Variants in DIP2A observed in about 807,000 individuals in gnomAD.
The protein encoded by DIP2A is disco-interacting protein 2 homolog A.
In DIP2A, 85 loss-of-function variants were observed where a neutral mutation model predicts 177.4. That is an observed-to-expected ratio of 0.48 (90% CI 0.40 to 0.57). The LOEUF (loss-of-function observed/expected upper bound fraction) is 0.57, where lower values mean the gene tolerates loss of function less well. DIP2A is among the 20% of genes least tolerant of loss of function. The pLI is 0.00. For missense variants in DIP2A, 1,791 were observed against 2,100.2 expected (o/e 0.85, Z 2.88); for synonymous variants, 886 against 881.8 (o/e 1.00, Z -0.08).
intron 17 of DIP2A, among the ~76,000 whole-genome samples, chr21:46,541,272 G>A (rs141029357): frequency 3.9e-5 from 6 of 152,254 alleles, no homozygotes; most frequent in Admixed American, 3.3e-4. Flanking sequence ...GAAGGCCTCT[G>A]CCAGGTGGTT....
At chr21:46,549,638 A>G in intron 21 of DIP2A, 133 bp from the exon 22 acceptor site, 1 of 1,467,900 alleles carries the variant, frequency 6.8e-7, no homozygotes, top group Non-Finnish European at 9.1e-7. Context: ...TTGAATGTGC[A>G]GCAGGTAGCC....
intron 3 of DIP2A, among the ~76,000 whole-genome samples, chr21:46,491,213 T>C (rs2056993240): frequency 6.6e-6 from 1 of 152,198 alleles, no homozygotes. Flanking sequence ...ATCAATAGAA[T>C]GGCCATTGAA....
intron 8 of DIP2A, among the ~76,000 whole-genome samples, chr21:46,515,045 A>G (rs767014076): frequency 6.6e-6 from 1 of 152,234 alleles, no homozygotes; most frequent in Non-Finnish European, 1.5e-5. Flanking sequence ...TAATTTGCCA[A>G]TAAGTTGTTT....
rs570154320 is a variant in DIP2A, at chr21:46,569,515, T to A, written c.*1893T>A. The A allele has an allele frequency of 3.9e-5, 6 of 152,192 alleles. No homozygotes were observed. In the South Asian group the frequency reaches 1.2e-3, roughly 32 times the overall value. The allele number at this position is 152,192 out of a possible 1,614,324, so 9.4% of individuals were successfully genotyped here. A position where few individuals can be genotyped will look rare whatever the true frequency, so the allele number is the denominator to read the frequency against. On this transcript the variant is annotated 3_prime_UTR_variant, in exon 38 of 38. Transcript: ENST00000417564. Reference sequence around the variant, plus strand: ...AAAAAAAAACTACCTAACTCCAATCTTAATGTTGTAGTTTTATAGCAAACA... The same window carrying A: ...AAAAAAAAACTACCTAACTCCAATCATAATGTTGTAGTTTTATAGCAAACA...
chr21:46,557,162 A>G lies in DIP2A; in HGVS notation c.3629+93A>G. ...TCTAAGGCACCTTTTCTGGGTGCTC[A>G]GGAAGCCGATGAGATGTGTGTGAGT... On this transcript the variant is annotated intron_variant, in intron 30 of 37. Coordinates refer to ENST00000417564, the MANE Select transcript of DIP2A (RefSeq NM_015151.4). This position sits in a 1 kb window ranked among gnomAD's most constrained non-coding sequence, Gnocchi z 6.0. 7.1e-7 allele frequency: 1 copy of G among 1,412,932 alleles called. No individual in the cohort carries two copies. Among genetic ancestry groups the G allele is most frequent in the Non-Finnish European group, 9.5e-7 (1 of 1,057,408 alleles). 87.5% of individuals were successfully genotyped at this position (1,412,932 alleles called of 1,614,324 possible). A position where few individuals can be genotyped will look rare whatever the true frequency, so the allele number is the denominator to read the frequency against.
At chr21:46,560,260 A>G (rs2060619975) in intron 32 of DIP2A, among the ~76,000 whole-genome samples, 1 of 152,210 alleles carries the variant, frequency 6.6e-6, no homozygotes, top group South Asian at 2.1e-4. Context: ...TAAGATTCAG[A>G]AAGGAAGAGA....
chr21:46,561,666 T>C lies in DIP2A; in HGVS notation c.4032-82T>C, dbSNP rs746135165. The stretch of plus-strand genomic sequence containing the variant: ...TGTCAACAGACCCTCAGAGTGATCA[T>C]TTCCAACGTCATGATCTGCCCTTTC... On this transcript the variant is annotated intron_variant, in intron 33 of 37. Coordinates refer to ENST00000417564, the MANE Select transcript of DIP2A (RefSeq NM_015151.4). The C allele has an allele frequency of 2.5e-5, 39 of 1,544,670 alleles. No homozygotes were observed. In the South Asian group the frequency reaches 4.0e-4, roughly 16 times the overall value.
chr21:46,513,963 T>C (rs1160518359), intron 8 of DIP2A, among the ~76,000 whole-genome samples: 1 of 152,182 alleles, frequency 6.6e-6, no homozygotes, highest in Non-Finnish European at 1.5e-5. Context: ...TGGAATATTT[T>C]CCCCTTTTTA....
At chr21:46,566,931 G>A (rs939922002) in intron 37 of DIP2A, among the ~76,000 whole-genome samples, 5 of 152,246 alleles carry the variant, frequency 3.3e-5, no homozygotes, top group African/African-American at 9.6e-5. Context: ...AAAACATGGT[G>A]CCAGAGCACA....
chr21:46,548,418 G>C (rs376622620), intron 21 of DIP2A, among the ~76,000 whole-genome samples: 6 of 152,188 alleles, frequency 3.9e-5, no homozygotes, highest in Admixed American at 3.9e-4. Context: ...TAGCCTCCCT[G>C]TCCCCACTAG....
rs1304121783 is a variant in DIP2A, at chr21:46,567,436, C to T, written c.4530C>T (p.Ala1510=). ...VVELDGLEQD[A]LDLVALVTNV... is the part of the protein sequence containing the mutation. ...AGCTGGATGGGCTAGAGCAGGATGC[C>T]CTGGACCTGGTGGCCCTGGTGACCA... Residue 1510 remains alanine, a synonymous_variant, in exon 38 of 38, where the codon GCC becomes GCT. Coordinates refer to ENST00000417564, the MANE Select transcript of DIP2A (RefSeq NM_015151.4). 1.2e-6 allele frequency: 2 copies of T among 1,613,876 alleles called. No individual in the cohort carries two copies. Among genetic ancestry groups the T allele is most frequent in the East Asian group, 2.2e-5 (1 of 44,876 alleles).
intron 1 of DIP2A, among the ~76,000 whole-genome samples, chr21:46,480,578 A>G (rs1285268533): frequency 6.6e-6 from 1 of 152,160 alleles, no homozygotes; most frequent in Non-Finnish European, 1.5e-5. Context: ...GCCATGGCAC[A>G]GAGACCTTGC....
At chr21:46,576,911 G>A in the DIP2A span, among the ~76,000 whole-genome samples, 3 of 151,996 alleles carry the variant, frequency 2.0e-5, no homozygotes, top group Non-Finnish European at 4.4e-5. Flanking sequence ...ATATTTGTTG[G>A]CCGCATGAAT....
Position 46,474,973 on chromosome 21 carries a change from ATCGGTTTTCC to A in DIP2A, c.92-9783_92-9774del, listed in dbSNP as rs531419312. On this transcript the variant is annotated intron_variant, in intron 1 of 37. Coordinates refer to ENST00000417564, the MANE Select transcript of DIP2A (RefSeq NM_015151.4). ...GTAATGAGGAAAGGATATGGTTTTCATCGGTTTTCCAGAGTCTGCTGATGTATTCCTGTAG... is the reference window on the plus strand; with the variant it reads ...GTAATGAGGAAAGGATATGGTTTTCAAGAGTCTGCTGATGTATTCCTGTAG... Among the ~76,000 whole-genome samples the A allele has an allele frequency of 1.8e-4, 28 of 152,298 alleles. No homozygotes were observed. In the East Asian group the frequency reaches 5.2e-3, roughly 28 times the overall value.
Position 46,529,151 on chromosome 21 carries a change from A to G in DIP2A, c.1162A>G (p.Lys388Glu), listed in dbSNP as rs561314627. Residue 388 changes from lysine (K) to glutamate (E), a missense_variant, in exon 9 of 38, where the codon AAG becomes GAG. Coordinates refer to ENST00000417564, the MANE Select transcript of DIP2A (RefSeq NM_015151.4). ...TACTCTACTTAATAAACTGACAAGT[A>G]AGAATGAACCTCTACTTAAACCTGG... ...AYTLLNKLTS[K>E]NEPLLKPGDR... 15 of 1,536,622 alleles carry G rather than the reference A, an allele frequency of 9.8e-6. No individual in the cohort carries two copies. In the African/African-American group the frequency reaches 1.8e-4, roughly 18 times the overall value.
chr21:46,576,130 T>A, the DIP2A span, among the ~76,000 whole-genome samples: 2 of 152,332 alleles, frequency 1.3e-5, 1 homozygote, highest in African/African-American at 4.8e-5. Flanking sequence ...TGGCAATTTT[T>A]AAAAATTTTT....
chr21:46,537,138 G>C lies in DIP2A; in HGVS notation c.1643-86G>C. 1.5e-6 allele frequency: 2 copies of C among 1,300,852 alleles called. No individual in the cohort carries two copies. The highest frequency in any genetic ancestry group is 1.7e-5 in the Admixed American group (1 of 59,524). The allele number at this position is 1,300,852 out of a possible 1,614,324, so 80.6% of individuals were successfully genotyped here. Reference sequence around the variant, plus strand: ...TTCCTGAAACTTACATGTTGATGACGTACTCACCTCAGAATTTCTCTAGAA... The same window carrying C: ...TTCCTGAAACTTACATGTTGATGACCTACTCACCTCAGAATTTCTCTAGAA... On this transcript the variant is annotated intron_variant, in intron 13 of 37. Coordinates refer to ENST00000417564, the MANE Select transcript of DIP2A (RefSeq NM_015151.4). The surrounding 1 kb of genome is among the most constrained non-coding windows in gnomAD (Gnocchi z 4.1).
chr21:46,568,927 T>A lies in DIP2A; in HGVS notation c.*1305T>A, dbSNP rs1421304798. ...TTTTGCATTTTGAGTTGTGTGCCTA[T>A]AAAATTTGGCCAAACCATTTTATTA... is the stretch of plus-strand genomic sequence containing the variant. On this transcript the variant is annotated 3_prime_UTR_variant, in exon 38 of 38. Transcript: ENST00000417564. 1 of 152,228 alleles carries A rather than the reference T, an allele frequency of 6.6e-6. No individual in the cohort carries two copies. The highest frequency in any genetic ancestry group is 1.5e-5 in the Non-Finnish European group (1 of 68,026). The allele number at this position is 152,228 out of a possible 1,614,324, so 9.4% of individuals were successfully genotyped here. A position where few individuals can be genotyped will look rare whatever the true frequency, so the allele number is the denominator to read the frequency against.
intron 1 of DIP2A, among the ~76,000 whole-genome samples, chr21:46,460,609 G>T (rs560793131): frequency 6.6e-6 from 1 of 152,130 alleles, no homozygotes; most frequent in Admixed American, 6.5e-5. Flanking sequence ...AGATGCTGTT[G>T]TGATCTTGTT....
Sources: allele counts gnomAD v4.1 joint callset (sites outside exome capture counted in the v4.1 genomes callset), GRCh38; gene constraint gnomAD v4.1.1; non-coding constraint Gnocchi (gnomAD v3.1); transcripts MANE v1.5; gene names NCBI Gene and HGNC (gene_info 2026-07-23, HGNC 2026-07-21).